UBXN7: variants seen among roughly 807,000 people sequenced by gnomAD.
The protein encoded by UBXN7 is UBX domain protein 7, also known as UBX domain-containing protein 7.
In UBXN7, 9 loss-of-function variants were observed where a neutral mutation model predicts 58.0. That is an observed-to-expected ratio of 0.16 (90% CI 0.09 to 0.27). UBXN7 has a LOEUF of 0.27. Ranked by LOEUF, UBXN7 falls within the 10% of genes least tolerant of loss-of-function variation. The pLI is 1.00. For missense variants in UBXN7, 328 were observed against 599.6 expected, an observed-to-expected ratio of 0.55 and a Z score of 4.73; for synonymous variants, 208 against 205.0, an observed-to-expected ratio of 1.01 and a Z score of -0.12.
Position 196,359,054 on chromosome 3 carries a change from CT to C in UBXN7, c.1309-2209del, listed in dbSNP as rs372374312. On this transcript the variant is annotated intron_variant, in intron 10 of 10. Coordinates refer to ENST00000296328, the MANE Select transcript of UBXN7 (RefSeq NM_015562.2). Reference sequence around the variant, plus strand: ...GCTTCGAGAAAATGCTTCCAACGCCCTGTTTCATTGTGCTTCAAGTTACTGA... The same window carrying C: ...GCTTCGAGAAAATGCTTCCAACGCCCGTTTCATTGTGCTTCAAGTTACTGA... Among the ~76,000 whole-genome samples the C allele has an allele frequency of 1.1e-3, 173 of 152,216 alleles. 1 individual carries two copies. The highest frequency in any genetic ancestry group is 4.0e-3 in the African/African-American group (165 of 41,512).
intron 10 of UBXN7, among the ~76,000 whole-genome samples, chr3:196,359,449 C>T (rs568818461): frequency 6.6e-6 from 1 of 152,204 alleles, no homozygotes; most frequent in South Asian, 2.1e-4. Context: ...AAGTGTCCAT[C>T]CTCAAAATCA....
intron 2 of UBXN7, among the ~76,000 whole-genome samples, 182 bp downstream of exon 2, chr3:196,407,064 A>C (rs1424697505): frequency 6.6e-6 from 1 of 152,276 alleles, no homozygotes; most frequent in Non-Finnish European, 1.5e-5. Flanking sequence ...GGATTAAATA[A>C]GCAAGACAGT....
chr3:196,402,826 T>C (rs557912763), intron 3 of UBXN7, 126 bp downstream of exon 3: 15 of 1,070,204 alleles, frequency 1.4e-5, no homozygotes, highest in Middle Eastern at 2.7e-4. Flanking sequence ...GACAGGACTA[T>C]AGAAAAAATA....
At chr3:196,356,978 A>C in intron 10 of UBXN7, 132 bp from the exon 11 acceptor site, 1 of 1,229,206 alleles carries the variant, frequency 8.1e-7, no homozygotes, top group Middle Eastern at 2.6e-4. Context: ...TCTTTCATAT[A>C]ACCAAAGCTT....
In UBXN7 at chr3:196,431,115, C is replaced by A. The variant is rs572453750; in HGVS notation, c.73+1212G>T. 1.2e-4 allele frequency among the ~76,000 whole-genome samples: 19 copies of A among 152,128 alleles called. No homozygotes were observed. In the South Asian group the frequency reaches 2.3e-3, roughly 18 times the overall value. On this transcript the variant is annotated intron_variant, in intron 1 of 10. Transcript: ENST00000296328. ...AGTATACAACCTGTAGTAGTTAAAA[C>A]AATATAAAATTTTACTTAACCAGAT...
chr3:196,375,275 T>C (rs146527482), intron 5 of UBXN7, among the ~76,000 whole-genome samples: 2 of 151,770 alleles, frequency 1.3e-5, no homozygotes, highest in East Asian at 1.9e-4. Context: ...TGCTTGACTG[T>C]AGTAATCATT....
chr3:196,401,274 A>AATATATATATAT (rs780788392), intron 3 of UBXN7, among the ~76,000 whole-genome samples: 13 of 36,878 alleles, frequency 3.5e-4, no homozygotes, highest in East Asian at 3.5e-3. Flanking sequence ...AAAAAAAAAA[A>AATATATATATAT]ATATATATAT....
chr3:196,423,710 G>A (rs1730758440), intron 1 of UBXN7, among the ~76,000 whole-genome samples: 1 of 152,126 alleles, frequency 6.6e-6, no homozygotes, highest in African/African-American at 2.4e-5. Flanking sequence ...TTGACAAGGT[G>A]AGTGGATAAA....
intron 1 of UBXN7, among the ~76,000 whole-genome samples, chr3:196,426,403 G>T (rs1003753789): frequency 8.2e-6 from 1 of 122,668 alleles, no homozygotes; most frequent in East Asian, 2.8e-4. Context: ...AAAAAAAAAA[G>T]AAATTCTGAA....
At chr3:196,399,673 C>T (rs890375111) in intron 3 of UBXN7, among the ~76,000 whole-genome samples, 2 of 152,168 alleles carry the variant, frequency 1.3e-5, no homozygotes, top group Admixed American at 1.3e-4. Flanking sequence ...CTCCTGGTTG[C>T]AAGTGATCTG....
At chr3:196,391,327 T>C (rs1389081987) in intron 5 of UBXN7, among the ~76,000 whole-genome samples, 1 of 152,172 alleles carries the variant, frequency 6.6e-6, no homozygotes, top group African/African-American at 2.4e-5. Context: ...CATATATTGC[T>C]GGTAGAAATA....
chr3:196,414,729 T>C (rs1423183886), intron 1 of UBXN7: 1 of 152,180 alleles, frequency 6.6e-6, no homozygotes, highest in Non-Finnish European at 1.5e-5. Context: ...GTCATAATCT[T>C]TACCCTTGTC....
At chr3:196,380,207 G>A (rs563612147) in intron 5 of UBXN7, among the ~76,000 whole-genome samples, 3 of 150,170 alleles carry the variant, frequency 2.0e-5, no homozygotes, top group African/African-American at 4.9e-5. Flanking sequence ...GCAAGATAGC[G>A]CCACTGCAGT....
intron 1 of UBXN7, among the ~76,000 whole-genome samples, chr3:196,417,173 C>A (rs942339676): frequency 1.3e-5 from 2 of 152,014 alleles, no homozygotes; most frequent in Non-Finnish European, 2.9e-5. Flanking sequence ...ATTAGCCGGG[C>A]GTGGTGGCGG....
intron 5 of UBXN7, among the ~76,000 whole-genome samples, chr3:196,373,214 T>C (rs1016557778): frequency 2.0e-5 from 3 of 151,948 alleles, no homozygotes; most frequent in Non-Finnish European, 2.9e-5. Flanking sequence ...CTGCTGAGAG[T>C]TTTTTCTCTT....
chr3:196,424,831 T>C (rs536710815), intron 1 of UBXN7, among the ~76,000 whole-genome samples: 303 of 151,208 alleles, frequency 2.0e-3, no homozygotes, highest in African/African-American at 6.5e-3. Context: ...GCCTCCTGAG[T>C]AGCTGGGATT....
chr3:196,351,968 G>C lies in UBXN7; in HGVS notation c.*4717C>G, dbSNP rs1728226423. 1 of 152,152 alleles carries C rather than the reference G, an allele frequency of 6.6e-6. No homozygotes were observed. Among genetic ancestry groups the C allele is most frequent in the Non-Finnish European group, 1.5e-5 (1 of 68,026 alleles). 9.4% of individuals were successfully genotyped at this position (152,152 alleles called of 1,614,324 possible). A position where few individuals can be genotyped will look rare whatever the true frequency, so the allele number is the denominator to read the frequency against. On this transcript the variant is annotated 3_prime_UTR_variant, in exon 11 of 11. Transcript: ENST00000296328. The stretch of plus-strand genomic sequence containing the variant: ...GCAAGCTAGGAATCTTTACTCCAGG[G>C]ATCAATAATCCTTTCCTACTTGGGT...
intron 8 of UBXN7, among the ~76,000 whole-genome samples, chr3:196,367,191 GA>G (rs71161921): frequency 1.5e-4 from 21 of 140,084 alleles, no homozygotes; most frequent in Middle Eastern, 3.7e-3. Flanking sequence ...TCAAAAAAAG[GA>G]AAAAAAAAAA....
intron 1 of UBXN7, among the ~76,000 whole-genome samples, chr3:196,419,662 T>C (rs1730619376): frequency 6.6e-6 from 1 of 152,182 alleles, no homozygotes; most frequent in South Asian, 2.1e-4. Flanking sequence ...TTCAGTAACA[T>C]GAGAGACCAT....
Sources: gnomAD v4.1 joint callset for allele counts (sites outside exome capture counted in the v4.1 genomes callset) on GRCh38, gnomAD v4.1.1 for gene constraint, MANE v1.5 for transcripts, NCBI Gene and HGNC (gene_info 2026-07-23, HGNC 2026-07-21) for gene names.